LEMD3: variants seen among roughly 807,000 people sequenced by gnomAD.
The protein encoded by LEMD3 is LEM domain containing 3.
Under a neutral mutation model 95.2 loss-of-function variants are expected in LEMD3, and 33 were observed. The ratio of observed to expected loss-of-function variants is 0.35; its 90% CI spans 0.26 to 0.46. The LOEUF (loss-of-function observed/expected upper bound fraction) is 0.46. LEMD3 is among the 20% of genes least tolerant of loss of function. The pLI, the probability that LEMD3 is intolerant of heterozygous loss-of-function variation, is 1.00. For synonymous variants in LEMD3, 525 were observed against 474.6 expected, an observed-to-expected ratio of 1.11 and a Z score of -1.38; for missense variants, 1,210 against 1,192.8, an observed-to-expected ratio of 1.01 and a Z score of -0.21.
chr12:65,221,612 T>G (rs1870291205), intron 4 of LEMD3, among the ~76,000 whole-genome samples: 1 of 152,122 alleles, frequency 6.6e-6, no homozygotes, highest in African/African-American at 2.4e-5. Context: ...TTCTTTCTGA[T>G]TTGGATGTTT....
intron 3 of LEMD3, among the ~76,000 whole-genome samples, chr12:65,216,727 G>A (rs1043825742): frequency 6.6e-6 from 1 of 151,904 alleles, no homozygotes; most frequent in African/African-American, 2.4e-5. Flanking sequence ...TTTCTATGTA[G>A]CAGAACTTTT....
chr12:65,216,327 C>CT (rs928167262), intron 3 of LEMD3, among the ~76,000 whole-genome samples: 18 of 151,888 alleles, frequency 1.2e-4, no homozygotes, highest in African/African-American at 4.3e-4. Flanking sequence ...ATCTGGAAAG[C>CT]TTAAGTATCA....
chr12:65,220,157 T>G (rs1418460328), intron 4 of LEMD3, among the ~76,000 whole-genome samples: 1 of 152,218 alleles, frequency 6.6e-6, no homozygotes, highest in African/African-American at 2.4e-5. Context: ...CATTTTACAT[T>G]CTTTCCAATA....
chr12:65,243,876 T>C (rs1182443473), intron 10 of LEMD3, among the ~76,000 whole-genome samples: 1 of 152,218 alleles, frequency 6.6e-6, no homozygotes, highest in Non-Finnish European at 1.5e-5. Flanking sequence ...GTAAAAAGTT[T>C]CCTACAAAGA....
intron 1 of LEMD3, among the ~76,000 whole-genome samples, chr12:65,177,548 TTCTTGTAGGC>T (rs993987002): frequency 3.3e-5 from 5 of 152,088 alleles, no homozygotes; most frequent in African/African-American, 1.2e-4. Flanking sequence ...AAGTGAAAAA[TTCTTGTAGGC>T]TCTTGTAGAT....
intron 1 of LEMD3, among the ~76,000 whole-genome samples, chr12:65,179,341 C>T (rs1202074298): frequency 6.6e-6 from 1 of 151,990 alleles, no homozygotes; most frequent in African/African-American, 2.4e-5. Context: ...AAATTATTTT[C>T]ATGATTCCTA....
intron 1 of LEMD3, among the ~76,000 whole-genome samples, chr12:65,177,989 T>C (rs1223481505): frequency 6.6e-6 from 1 of 151,924 alleles, no homozygotes; most frequent in Admixed American, 6.6e-5. Flanking sequence ...GGACTATAGA[T>C]CTGCATCACC....
At chr12:65,217,765 T>G (rs1411857440) in intron 3 of LEMD3, among the ~76,000 whole-genome samples, 1 of 152,234 alleles carries the variant, frequency 6.6e-6, no homozygotes, top group Non-Finnish European at 1.5e-5. Context: ...AGAAACCAGA[T>G]CATAGGTGGA....
At chr12:65,193,259 C>T in intron 1 of LEMD3, among the ~76,000 whole-genome samples, 1 of 152,112 alleles carries the variant, frequency 6.6e-6, no homozygotes. Flanking sequence ...GTAAAGTATA[C>T]TTGGAAGAGG....
intron 1 of LEMD3, among the ~76,000 whole-genome samples, chr12:65,180,300 G>T (rs969365685): frequency 6.6e-6 from 1 of 151,158 alleles, no homozygotes; most frequent in Admixed American, 6.6e-5. Flanking sequence ...GTAACCTTTG[G>T]ATTTCACTGT....
chr12:65,200,958 T>C (rs1869582824), intron 1 of LEMD3, among the ~76,000 whole-genome samples: 1 of 152,176 alleles, frequency 6.6e-6, no homozygotes, highest in African/African-American at 2.4e-5. Context: ...TGTGATCCAT[T>C]TTGACTTAAG....
Position 65,211,137 on chromosome 12 carries a change from G to A in LEMD3, c.1560+174G>A, listed in dbSNP as rs12301193. Among the ~76,000 whole-genome samples, 5,290 of 152,130 alleles carry A rather than the reference G, an allele frequency of 0.035. 307 individuals carry two copies. The highest frequency in any genetic ancestry group is 0.12 in the African/African-American group (5,074 of 41,476). On this transcript the variant is annotated intron_variant, in intron 2 of 12. Coordinates refer to ENST00000308330, the MANE Select transcript of LEMD3 (RefSeq NM_014319.5). The stretch of plus-strand genomic sequence containing the variant: ...AGGTTATTTTAGTCTAAAACAATAG[G>A]CTTTCTTATTCTGAGTATTCCCTAA...
At chr12:65,212,468 C>T (rs141863566) in intron 2 of LEMD3, among the ~76,000 whole-genome samples, 5 of 146,014 alleles carry the variant, frequency 3.4e-5, no homozygotes, top group African/African-American at 5.1e-5. Context: ...ACCCGGGAGG[C>T]GGAGCTTGCA....
rs111808191 is a variant in LEMD3 at position 65,178,465 on chromosome 12, C to T, written c.1522+7347C>T. ...AGAGAACCTGGGCTTCAATATTGGC[C>T]CTTCCACTTACTAGCTTTTTTTCAC... is the stretch of plus-strand genomic sequence containing the variant. On this transcript the variant is annotated intron_variant, in intron 1 of 12. Coordinates refer to ENST00000308330, the MANE Select transcript of LEMD3 (RefSeq NM_014319.5). Among the ~76,000 whole-genome samples, 336 of 152,182 alleles carry T rather than the reference C, an allele frequency of 2.2e-3. 2 individuals are homozygous for T. Among genetic ancestry groups the T allele is most frequent in the Non-Finnish European group, 4.3e-3 (290 of 68,008 alleles).
intron 1 of LEMD3, among the ~76,000 whole-genome samples, chr12:65,181,648 T>C (rs920079235): frequency 3.9e-5 from 6 of 152,172 alleles, no homozygotes; most frequent in Non-Finnish European, 8.8e-5. Flanking sequence ...ATTGAAGTAA[T>C]GTGTGTTGAT....
chr12:65,207,362 G>C (rs1869796367), intron 1 of LEMD3, among the ~76,000 whole-genome samples: 1 of 151,990 alleles, frequency 6.6e-6, no homozygotes, highest in South Asian at 2.1e-4. Flanking sequence ...TCTTGTTGGG[G>C]GTGGGGGTGA....
rs76803764 is a variant in LEMD3 at position 65,233,451 on chromosome 12, C to G, written c.1696-5051C>G. Among the ~76,000 whole-genome samples, 78 of 152,262 alleles carry G rather than the reference C, an allele frequency of 5.1e-4. No homozygotes were observed. The East Asian group carries it at 0.015, about 29-fold the overall frequency. ...TTCTGGGTCTACTTGATTCTAAAGA[C>G]TATGTTTTTTTCTGTTATTCTAGCA... is the stretch of plus-strand genomic sequence containing the variant. On this transcript the variant is annotated intron_variant, in intron 4 of 12. Coordinates refer to ENST00000308330, the MANE Select transcript of LEMD3 (RefSeq NM_014319.5).
At chr12:65,232,232 T>G (rs1319333416) in intron 4 of LEMD3, among the ~76,000 whole-genome samples, 1 of 152,146 alleles carries the variant, frequency 6.6e-6, no homozygotes, top group East Asian at 1.9e-4. Flanking sequence ...AAAGTTGATA[T>G]CAAACAAGGA....
chr12:65,236,786 A>G (rs1870786630), intron 4 of LEMD3, among the ~76,000 whole-genome samples: 1 of 152,184 alleles, frequency 6.6e-6, no homozygotes, highest in Admixed American at 6.5e-5. Context: ...GTATAGAATA[A>G]TCATACAATG....
Sources: allele counts gnomAD v4.1 joint callset (sites outside exome capture counted in the v4.1 genomes callset), GRCh38; gene constraint gnomAD v4.1.1; transcripts MANE v1.5; gene names NCBI Gene and HGNC (gene_info 2026-07-23, HGNC 2026-07-21).